VKORC1L1: variants seen among roughly 807,000 people sequenced by gnomAD.
VKORC1L1 encodes vitamin K epoxide reductase complex subunit 1-like protein 1.
VKORC1L1 carries 2 observed loss-of-function variants against 18.9 expected under a neutral mutation model. The ratio of observed to expected loss-of-function variants is 0.11; its 90% CI spans 0.04 to 0.33. The LOEUF (loss-of-function observed/expected upper bound fraction) is 0.33, where lower values mean the gene tolerates loss of function less well. VKORC1L1 is among the 10% of genes least tolerant of loss of function. VKORC1L1 has a pLI of 1.00. For synonymous variants in VKORC1L1, 96 were observed against 100.0 expected (o/e 0.96, Z 0.24); for missense variants, 123 against 224.1 (o/e 0.55, Z 2.88).
At chr7:65,910,738 C>T (rs1789489558) in intron 1 of VKORC1L1, among the ~76,000 whole-genome samples, 1 of 151,582 alleles carries the variant, frequency 6.6e-6, no homozygotes, top group African/African-American at 2.4e-5. Flanking sequence ...GCTGTGCTTT[C>T]ATTGGAAAGT....
intron 1 of VKORC1L1, among the ~76,000 whole-genome samples, chr7:65,909,789 C>T (rs1186962122): frequency 7.2e-6 from 1 of 139,610 alleles, no homozygotes; most frequent in African/African-American, 2.7e-5. Context: ...GCAATCTCAG[C>T]TCACTGCAAC....
chr7:65,915,923 C>G (rs1401504903), intron 1 of VKORC1L1, among the ~76,000 whole-genome samples: 1 of 151,838 alleles, frequency 6.6e-6, no homozygotes, highest in African/African-American at 2.4e-5. Context: ...CCAGCCTAGA[C>G]AAAATGGTGA....
chr7:65,930,664 G>C (rs1193758896), intron 1 of VKORC1L1, among the ~76,000 whole-genome samples: 2 of 152,050 alleles, frequency 1.3e-5, no homozygotes, highest in African/African-American at 2.4e-5. Context: ...AGACAATTGT[G>C]CCATCTACAA....
At chr7:65,912,875 A>G (rs1789523231) in intron 1 of VKORC1L1, among the ~76,000 whole-genome samples, 1 of 152,236 alleles carries the variant, frequency 6.6e-6, no homozygotes, top group African/African-American at 2.4e-5. Flanking sequence ...TAAATTTACA[A>G]CATGGGAAAG....
At chr7:65,871,436 C>G (rs1788724675), upstream of VKORC1L1, among the ~76,000 whole-genome samples, 1 of 152,166 alleles carries the variant, frequency 6.6e-6, no homozygotes, top group African/African-American at 2.4e-5. Context: ...CTCAGGTGCT[C>G]TACCCACCTC....
intron 2 of VKORC1L1, among the ~76,000 whole-genome samples, chr7:65,950,139 T>G (rs1032102440): frequency 6.6e-6 from 1 of 152,198 alleles, no homozygotes; most frequent in African/African-American, 2.4e-5. Context: ...TTGCTAATAG[T>G]TACACATTAG....
intron 2 of VKORC1L1, among the ~76,000 whole-genome samples, 175 bp downstream of exon 2, chr7:65,948,955 A>C (rs1723273): frequency 1.4e-4 from 22 of 152,220 alleles, no homozygotes; most frequent in Non-Finnish European, 2.5e-4. Flanking sequence ...TTATTGTTGA[A>C]TTTATGTCAA....
chr7:65,872,760 A>G (rs1788741828), upstream of VKORC1L1, among the ~76,000 whole-genome samples: 1 of 152,080 alleles, frequency 6.6e-6, no homozygotes, highest in Non-Finnish European at 1.5e-5. Flanking sequence ...CTGGAGCTCC[A>G]AGCATTGGCC....
chr7:65,948,450 A>G (rs1032182307), intron 1 of VKORC1L1, among the ~76,000 whole-genome samples: 1 of 126,582 alleles, frequency 7.9e-6, no homozygotes, highest in African/African-American at 3.1e-5. Flanking sequence ...AGATGGGTAT[A>G]CTGGCACCTT....
rs890026232 is a variant in VKORC1L1, at chr7:65,957,334, A to T, written c.*3034A>T. The T allele has an allele frequency of 6.6e-6, 1 of 151,822 alleles. No homozygotes were observed. The highest frequency in any genetic ancestry group is 6.6e-5 in the Admixed American group (1 of 15,210). The allele number at this position is 151,822 out of a possible 1,614,324, so 9.4% of individuals were successfully genotyped here. On this transcript the variant is annotated 3_prime_UTR_variant, in exon 3 of 3. Transcript: ENST00000360768. ...CATCTCTACTAAAAATACAAAAATT[A>T]GCCAGGCGCAGTGGCACACCCCTGT...
intron 1 of VKORC1L1, among the ~76,000 whole-genome samples, chr7:65,914,208 C>G (rs949975243): frequency 6.6e-6 from 1 of 152,188 alleles, no homozygotes; most frequent in African/African-American, 2.4e-5. Context: ...ATCCTCCCAC[C>G]TCAGCCTCCT....
In VKORC1L1 at chr7:65,884,892, A is replaced by G. The variant is rs1218062082; in HGVS notation, c.194+11327A>G. On this transcript the variant is annotated intron_variant, in intron 1 of 2. Transcript: ENST00000360768. The stretch of plus-strand genomic sequence containing the variant: ...CACCTTGTTTGATAATGAGGTTTTC[A>G]TGTTTTTATTAACTGTGTTTCTTCT... 2.6e-5 allele frequency among the ~76,000 whole-genome samples: 4 copies of G among 152,172 alleles called. No homozygotes were observed. In the East Asian group the frequency reaches 5.8e-4, roughly 22 times the overall value.
At chr7:65,949,154 T>C (rs182778451) in intron 2 of VKORC1L1, among the ~76,000 whole-genome samples, 3 of 152,272 alleles carry the variant, frequency 2.0e-5, no homozygotes, top group African/African-American at 7.2e-5. Context: ...TACCTTTACA[T>C]ATCCACTATT....
chr7:65,886,846 T>G (rs984245065), intron 1 of VKORC1L1, among the ~76,000 whole-genome samples: 1 of 132,794 alleles, frequency 7.5e-6, no homozygotes, highest in Non-Finnish European at 1.6e-5. Flanking sequence ...CGAGTTTTTT[T>G]TTTTTTTTTT....
chr7:65,927,877 T>C (rs1486081639), intron 1 of VKORC1L1, among the ~76,000 whole-genome samples: 1 of 152,072 alleles, frequency 6.6e-6, no homozygotes, highest in East Asian at 1.9e-4. Flanking sequence ...CTAAATTATT[T>C]GGTGGGGTGG....
chr7:65,948,823 T>C, intron 2 of VKORC1L1, 43 bp downstream of exon 2: 1 of 1,165,002 alleles, frequency 8.6e-7, no homozygotes, highest in Non-Finnish European at 1.2e-6. Flanking sequence ...TATATTCCGT[T>C]TAGTACTTTG....
At chr7:65,882,892 T>G (rs769591257) in intron 1 of VKORC1L1, among the ~76,000 whole-genome samples, 21 of 152,238 alleles carry the variant, frequency 1.4e-4, no homozygotes, top group Admixed American at 1.3e-4. Context: ...CTTTTAAAAC[T>G]TCTGGACAGG....
chr7:65,923,425 G>C (rs1048808365), intron 1 of VKORC1L1, among the ~76,000 whole-genome samples: 9 of 151,950 alleles, frequency 5.9e-5, no homozygotes, highest in African/African-American at 2.2e-4. Context: ...AAAGATGATA[G>C]TAATTGGGGA....
intron 1 of VKORC1L1, among the ~76,000 whole-genome samples, chr7:65,945,337 C>T (rs577307203): frequency 7.1e-4 from 108 of 151,444 alleles, no homozygotes; most frequent in African/African-American, 2.2e-3. Context: ...CAGGGCCGGG[C>T]GCAGTGGCTC....
Sources: allele counts gnomAD v4.1 joint callset (sites outside exome capture counted in the v4.1 genomes callset), GRCh38; gene constraint gnomAD v4.1.1; transcripts MANE v1.5; gene names NCBI Gene and HGNC (gene_info 2026-07-23, HGNC 2026-07-21).